The following FUT8 variants were observed in gnomAD, a reference collection of about 807,000 sequenced individuals.
FUT8 encodes alpha-(1,6)-fucosyltransferase.
A neutral mutation model predicts 71.3 loss-of-function variants in FUT8; 29 were observed. The observed-to-expected ratio is 0.41, with a 90% CI of 0.30 to 0.55. The LOEUF is 0.55. Among genes scored for constraint, FUT8 ranks in the 20% least tolerant of loss-of-function variants. The pLI, the probability that FUT8 is intolerant of heterozygous loss-of-function variation, is 0.34. For synonymous variants in FUT8, 254 were observed against 239.3 expected (o/e 1.06, Z -0.57); for missense variants, 544 against 702.1 (o/e 0.77, Z 2.55).
At position 65,502,231 on chromosome 14, in the gene FUT8, A is replaced by G. The variant is rs574066136; in HGVS notation, c.-228+46513A>G. ...TGGCTGGGTCCACTTATTTATTGTT[A>G]TTTTTTTTTTTGAGACAGAATCTCA... On this transcript the variant is annotated intron_variant, in intron 2 of 10. Transcript: ENST00000673929. Among the ~76,000 whole-genome samples, 6 of 142,926 alleles carry G rather than the reference A, an allele frequency of 4.2e-5. No homozygotes were observed. In the South Asian group the frequency reaches 1.3e-3, roughly 31 times the overall value. The allele number at this position is 142,926 out of a possible 152,430, so 93.8% of individuals were successfully genotyped here.
chr14:65,444,668 T>G lies in FUT8; in HGVS notation c.-325-10953T>G, dbSNP rs1046796026. Among the ~76,000 whole-genome samples the G allele has an allele frequency of 3.9e-5, 6 of 152,198 alleles. No individual in the cohort carries two copies. In the East Asian group the frequency reaches 5.8e-4, roughly 15 times the overall value. ...CAATTTGGAGGAATCTCGAAGACAT[T>G]ATACTTTTTTAAAAAAGCTAGTCTC... On this transcript the variant is annotated intron_variant, in intron 1 of 10. Transcript: ENST00000673929.
intron 3 of FUT8, among the ~76,000 whole-genome samples, chr14:65,576,035 A>G (rs1405876863): frequency 6.6e-6 from 1 of 152,194 alleles, no homozygotes; most frequent in Non-Finnish European, 1.5e-5. Context: ...CAACTATTCA[A>G]ATGTAAATTA....
chr14:65,628,522 G>T (rs1890014812), intron 5 of FUT8, among the ~76,000 whole-genome samples: 1 of 152,150 alleles, frequency 6.6e-6, no homozygotes, highest in South Asian at 2.1e-4. Flanking sequence ...GGTGATATGT[G>T]AAAAATTAGA....
chr14:65,567,178 GTTTA>G (rs1400213352), intron 3 of FUT8, among the ~76,000 whole-genome samples: 1 of 151,834 alleles, frequency 6.6e-6, no homozygotes, highest in African/African-American at 2.4e-5. Context: ...TAGTTTTTTT[GTTTA>G]TTTGTTTGGT....
Position 65,611,293 on chromosome 14 carries a change from ACACACACAC to A in FUT8, c.204-4683_204-4675del, listed in dbSNP as rs1303571798. Among the ~76,000 whole-genome samples the A allele has an allele frequency of 9.1e-4, 43 of 47,080 alleles. 9 individuals carry two copies. Among genetic ancestry groups the A allele is most frequent in the African/African-American group, 4.4e-3 (40 of 9,046 alleles). 30.9% of individuals were successfully genotyped at this position (47,080 alleles called of 152,430 possible). ...CACACACACACACACACACACACAC[ACACACACAC>A]CCCCCAAGTAATAGCCTTGATTTTG... On this transcript the variant is annotated intron_variant, in intron 3 of 10. Transcript: ENST00000673929.
chr14:65,663,960 T>A (rs1418880954), intron 6 of FUT8, among the ~76,000 whole-genome samples: 1 of 152,044 alleles, frequency 6.6e-6, no homozygotes, highest in East Asian at 1.9e-4. Flanking sequence ...CTTCACTCTT[T>A]TTTTCCTTAA....
intron 6 of FUT8, among the ~76,000 whole-genome samples, chr14:65,666,213 T>A (rs1180796677): frequency 6.6e-6 from 1 of 152,160 alleles, no homozygotes; most frequent in Admixed American, 6.6e-5. Flanking sequence ...CTTAAATATG[T>A]ACATACGGTT....
At chr14:65,525,461 T>C (rs1336494676) in intron 2 of FUT8, among the ~76,000 whole-genome samples, 23 of 152,236 alleles carry the variant, frequency 1.5e-4, no homozygotes. Flanking sequence ...TCTTTACTTC[T>C]TTATTAGTCT....
At chr14:65,612,833 T>G (rs1889070204) in intron 3 of FUT8, among the ~76,000 whole-genome samples, 2 of 152,214 alleles carry the variant, frequency 1.3e-5, no homozygotes. Context: ...GATTTTGAGT[T>G]GTTTCAGGCA....
chr14:65,536,632 G>T (rs181654406), intron 2 of FUT8, among the ~76,000 whole-genome samples: 62 of 152,306 alleles, frequency 4.1e-4, no homozygotes, highest in African/African-American at 1.4e-3. Context: ...TTGTTAGTCT[G>T]TTGGGCTTCC....
intron 6 of FUT8, among the ~76,000 whole-genome samples, chr14:65,634,154 G>T (rs975235361): frequency 1.3e-5 from 2 of 151,938 alleles, no homozygotes; most frequent in Non-Finnish European, 2.9e-5. Context: ...TTGAGAAATC[G>T]GATGGTTGCC....
At chr14:65,399,780 A>G in the FUT8 span, among the ~76,000 whole-genome samples, 2 of 152,244 alleles carry the variant, frequency 1.3e-5, no homozygotes, top group Non-Finnish European at 2.9e-5. Context: ...ATAAGCTTGT[A>G]TAAGGTTTCC....
intron 5 of FUT8, among the ~76,000 whole-genome samples, chr14:65,623,700 A>G (rs1889745487): frequency 6.6e-6 from 1 of 152,194 alleles, no homozygotes; most frequent in Non-Finnish European, 1.5e-5. Context: ...CTTGGGCGAC[A>G]GAGAGAGACT....
chr14:65,507,727 A>G (rs540069579), intron 2 of FUT8, among the ~76,000 whole-genome samples: 1 of 152,198 alleles, frequency 6.6e-6, no homozygotes, highest in Non-Finnish European at 1.5e-5. Flanking sequence ...CTTGCTTTCA[A>G]ATCTTGGCTA....
At chr14:65,373,433 TGTTGAGA>T in the FUT8 span, among the ~76,000 whole-genome samples, 1 of 151,378 alleles carries the variant, frequency 6.6e-6, no homozygotes, top group Non-Finnish European at 1.5e-5. Context: ...AGCGTCTGAA[TGTTGAGA>T]GGAGTTCGGC....
At chr14:65,531,019 G>A (rs936226364) in intron 2 of FUT8, among the ~76,000 whole-genome samples, 3 of 148,682 alleles carry the variant, frequency 2.0e-5, no homozygotes, top group African/African-American at 4.9e-5. Context: ...TATCTGTTGA[G>A]ATATAGTAAA....
intron 2 of FUT8, among the ~76,000 whole-genome samples, chr14:65,515,807 A>G (rs1421157882): frequency 6.6e-6 from 1 of 152,224 alleles, no homozygotes; most frequent in Non-Finnish European, 1.5e-5. Context: ...TAAGGATGTT[A>G]TAGACCTATG....
chr14:65,627,161 CT>C lies in FUT8; in HGVS notation c.483-2327del, dbSNP rs1184052095. The stretch of plus-strand genomic sequence containing the variant: ...AGAAGCAACCAAAAAAAAGTTCATT[CT>C]TTTGGAGCTTAAATTCTAGTAGGGC... On this transcript the variant is annotated intron_variant, in intron 5 of 10. Transcript: ENST00000673929. This position sits in a 1 kb window ranked among gnomAD's most constrained non-coding sequence, Gnocchi z 4.0. 6.6e-6 allele frequency among the ~76,000 whole-genome samples: 1 copy of C among 151,822 alleles called. No individual in the cohort carries two copies. The highest frequency in any genetic ancestry group is 2.4e-5 in the African/African-American group (1 of 41,312).
intron 7 of FUT8, among the ~76,000 whole-genome samples, chr14:65,686,568 GTTGTT>G (rs1893295453): frequency 2.0e-5 from 3 of 152,278 alleles, no homozygotes; most frequent in Middle Eastern, 3.4e-3. Flanking sequence ...AGTTTTAAGA[GTTGTT>G]TTTGTTTTGT....
Sources: allele counts gnomAD v4.1 joint callset (sites outside exome capture counted in the v4.1 genomes callset), GRCh38; gene constraint gnomAD v4.1.1; non-coding constraint Gnocchi (gnomAD v3.1); transcripts MANE v1.5; gene names NCBI Gene and HGNC (gene_info 2026-07-23, HGNC 2026-07-21).